FARSB: variants seen among roughly 807,000 people sequenced by gnomAD.
The protein encoded by FARSB is phenylalanyl-tRNA synthetase subunit beta, also known as phenylalanine--tRNA ligase beta subunit.
Under a neutral mutation model 69.6 loss-of-function variants are expected in FARSB, and 40 were observed. The ratio of observed to expected loss-of-function variants is 0.57; its 90% CI spans 0.45 to 0.75. The LOEUF (loss-of-function observed/expected upper bound fraction) is 0.75, where lower values mean the gene tolerates loss of function less well. Among genes scored for constraint, FARSB ranks in the 30% least tolerant of loss-of-function variants. FARSB has a pLI of 0.00. For missense variants in FARSB, 632 were observed against 722.9 expected (o/e 0.87, Z 1.44); for synonymous variants, 235 against 247.2 (o/e 0.95, Z 0.46).
In FARSB at chr2:222,617,657, G is replaced by A. The variant is rs182533313; in HGVS notation, c.1344+1988C>T. On this transcript the variant is annotated intron_variant, in intron 14 of 16. Coordinates refer to ENST00000281828, the MANE Select transcript of FARSB (RefSeq NM_005687.5). The stretch of plus-strand genomic sequence containing the variant: ...CCAGCACTCTGGGAGGCCATGGTGG[G>A]TGGATCACTTGAGGCCGGGAGTTCG... Among the ~76,000 whole-genome samples the A allele has an allele frequency of 2.0e-5, 3 of 152,350 alleles. No individual in the cohort carries two copies. In the East Asian group the frequency reaches 5.8e-4, roughly 29 times the overall value.
chr2:222,639,636 TTTAGTAAACTTTATA>T lies in FARSB; in HGVS notation c.384_398del (p.Asn128_Thr132del), dbSNP rs1428998688. The T allele has an allele frequency of 4.4e-6, 7 of 1,596,262 alleles. No homozygotes were observed. Among genetic ancestry groups the T allele is most frequent in the Non-Finnish European group, 6.0e-6 (7 of 1,169,866 alleles). On this transcript the variant is annotated inframe_deletion, in exon 5 of 17. Coordinates refer to ENST00000281828, the MANE Select transcript of FARSB (RefSeq NM_005687.5). ...GTTCAATGAAGCTGTCATATCGATC[TTTAGTAAACTTTATA>T]TTACGGAGAACTGCTGCTACCGCAA...
At chr2:222,589,091 T>G (rs957196017) in intron 16 of FARSB, among the ~76,000 whole-genome samples, 10 of 152,024 alleles carry the variant, frequency 6.6e-5, no homozygotes, top group Non-Finnish European at 1.5e-4. Context: ...AGAGGCATCA[T>G]GCTACCTCAA....
At chr2:222,603,629 T>G (rs1425674745) in intron 15 of FARSB, among the ~76,000 whole-genome samples, 2 of 149,098 alleles carry the variant, frequency 1.3e-5, no homozygotes, top group African/African-American at 4.9e-5. Context: ...TCAAACTAAT[T>G]GGCTGGAGCT....
At chr2:222,641,992 T>C (rs1459877053) in intron 3 of FARSB, among the ~76,000 whole-genome samples, 1 of 131,072 alleles carries the variant, frequency 7.6e-6, no homozygotes, top group African/African-American at 2.8e-5. Context: ...TATATATTTG[T>C]TATCCTCTAT....
intron 16 of FARSB, among the ~76,000 whole-genome samples, chr2:222,598,760 CTTCT>C (rs1259635723): frequency 2.0e-5 from 3 of 152,210 alleles, no homozygotes; most frequent in East Asian, 3.9e-4. Context: ...CCGGCTCCGG[CTTCT>C]TTAACTTGCC....
intron 16 of FARSB, among the ~76,000 whole-genome samples, chr2:222,583,743 T>C (rs1456028811): frequency 6.6e-6 from 1 of 151,342 alleles, no homozygotes; most frequent in Non-Finnish European, 1.5e-5. Context: ...GGGTGGGAGG[T>C]AATTGAGACA....
chr2:222,643,620 C>A (rs557768317), intron 2 of FARSB, among the ~76,000 whole-genome samples: 1 of 152,146 alleles, frequency 6.6e-6, no homozygotes, highest in Admixed American at 6.5e-5. Flanking sequence ...CCTGTGGGCA[C>A]CCAAGTCCAC....
At chr2:222,605,581 TTAAG>T (rs979552377) in intron 15 of FARSB, among the ~76,000 whole-genome samples, 4 of 152,164 alleles carry the variant, frequency 2.6e-5, no homozygotes, top group African/African-American at 9.7e-5. Context: ...AAAAAACAAA[TTAAG>T]TAAACTTGTG....
intron 7 of FARSB, among the ~76,000 whole-genome samples, chr2:222,632,033 T>C (rs1370951197): frequency 7.2e-6 from 1 of 139,504 alleles, no homozygotes; most frequent in Non-Finnish European, 1.5e-5. Flanking sequence ...GATGGTGCAA[T>C]GGCACGACAT....
At chr2:222,629,803 C>T (rs919707103) in intron 9 of FARSB, among the ~76,000 whole-genome samples, 13 of 152,170 alleles carry the variant, frequency 8.5e-5, no homozygotes, top group African/African-American at 3.1e-4. Context: ...TGCAGTGGCA[C>T]AAACATAGCT....
At chr2:222,593,792 G>C (rs1690339539) in intron 16 of FARSB, among the ~76,000 whole-genome samples, 1 of 151,946 alleles carries the variant, frequency 6.6e-6, no homozygotes, top group African/African-American at 2.4e-5. Flanking sequence ...GATCACTTGA[G>C]CCTGGGAGGT....
Position 222,642,607 on chromosome 2 carries a change from G to A in FARSB, c.269+244C>T, listed in dbSNP as rs562956009. 2.0e-3 allele frequency among the ~76,000 whole-genome samples: 297 copies of A among 152,278 alleles called. 1 individual carries two copies. Among genetic ancestry groups the A allele is most frequent in the Non-Finnish European group, 3.5e-3 (235 of 68,004 alleles). On this transcript the variant is annotated intron_variant, in intron 3 of 16. Transcript: ENST00000281828. ...AATAATTTTTTAAGACGCCATAAAA[G>A]CATTAAACACCAGTTTTAAAATATG... is the stretch of plus-strand genomic sequence containing the variant.
intron 16 of FARSB, among the ~76,000 whole-genome samples, chr2:222,593,479 T>C (rs1212908232): frequency 6.6e-6 from 1 of 152,248 alleles, no homozygotes; most frequent in Non-Finnish European, 1.5e-5. Context: ...TTGTGGCTGA[T>C]CTTTAGAGCT....
At chr2:222,632,234 T>C (rs2106227923) in intron 7 of FARSB, among the ~76,000 whole-genome samples, 1 of 152,288 alleles carries the variant, frequency 6.6e-6, no homozygotes, top group South Asian at 2.1e-4. Context: ...ATAAAATAAT[T>C]AACAGGCCTT....
chr2:222,654,583 C>G (rs561639414), intron 1 of FARSB, among the ~76,000 whole-genome samples: 49 of 152,222 alleles, frequency 3.2e-4, no homozygotes, highest in Admixed American at 3.1e-3. Context: ...TATAAATAAG[C>G]TCATTATAAA....
At position 222,634,546 on chromosome 2, in the gene FARSB, T is replaced by C. The variant is rs774489358; in HGVS notation, c.456-5A>G. The C allele has an allele frequency of 6.2e-6, 10 of 1,609,242 alleles. No homozygotes were observed. The highest frequency in any genetic ancestry group is 8.5e-6 in the Non-Finnish European group (10 of 1,177,566). On this transcript the variant is annotated splice_region_variant and splice_polypyrimidine_tract_variant and intron_variant, in intron 5 of 16. Transcript: ENST00000281828. ...ATGGCAACCAGTGCTCTTTTCCTAATTGTTGAGAGGTTGAGGGAGAAGGAG... is the reference window on the plus strand; with the variant it reads ...ATGGCAACCAGTGCTCTTTTCCTAACTGTTGAGAGGTTGAGGGAGAAGGAG...
At chr2:222,606,685 C>A (rs142957099) in intron 15 of FARSB, among the ~76,000 whole-genome samples, 2 of 152,232 alleles carry the variant, frequency 1.3e-5, no homozygotes, top group East Asian at 3.9e-4. Flanking sequence ...ACATGATGTC[C>A]CCTTGTAAAT....
intron 1 of FARSB, among the ~76,000 whole-genome samples, chr2:222,655,755 G>A (rs183903887): frequency 3.3e-4 from 50 of 152,322 alleles, no homozygotes; most frequent in Admixed American, 2.1e-3. Context: ...TCGGTGCCAG[G>A]CACGCTGTAG....
intron 10 of FARSB, among the ~76,000 whole-genome samples, chr2:222,626,930 G>A (rs1691292160): frequency 6.6e-6 from 1 of 152,092 alleles, no homozygotes; most frequent in Non-Finnish European, 1.5e-5. Context: ...CAGCTACTCG[G>A]GAGGCTAACG....
Sources: gnomAD v4.1 joint callset for allele counts (sites outside exome capture counted in the v4.1 genomes callset) on GRCh38, gnomAD v4.1.1 for gene constraint, MANE v1.5 for transcripts, NCBI Gene and HGNC (gene_info 2026-07-23, HGNC 2026-07-21) for gene names.